The following CAP2 variants were observed in gnomAD, a reference collection of about 807,000 sequenced individuals.
CAP2 encodes the protein adenylyl cyclase-associated protein 2.
CAP2 carries 24 observed loss-of-function variants against 57.7 expected under a neutral mutation model. The ratio of observed to expected loss-of-function variants is 0.42; its 90% CI spans 0.30 to 0.58. The LOEUF is 0.58. Among genes scored for constraint, CAP2 ranks in the 20% least tolerant of loss-of-function variants. The probability of loss-of-function intolerance (pLI) is 0.22; values close to 1 mark genes in which losing one functional copy is unlikely to be tolerated. For missense variants in CAP2, 501 were observed against 590.3 expected (o/e 0.85, Z 1.57); for synonymous variants, 194 against 207.2 (o/e 0.94, Z 0.55).
intron 3 of CAP2, among the ~76,000 whole-genome samples, chr6:17,448,718 C>G (rs1017116307): frequency 4.6e-5 from 7 of 152,066 alleles, no homozygotes; most frequent in African/African-American, 1.7e-4. Flanking sequence ...TTAACTTAGA[C>G]CATGTCTTCT....
chr6:17,397,811 G>T (rs1220589445), intron 1 of CAP2, among the ~76,000 whole-genome samples: 3 of 150,316 alleles, frequency 2.0e-5, no homozygotes, highest in African/African-American at 4.9e-5. Context: ...CATTTGGGTT[G>T]GTTCCCATGT....
intron 3 of CAP2, among the ~76,000 whole-genome samples, chr6:17,429,332 A>T (rs1471401861): frequency 6.6e-6 from 1 of 152,174 alleles, no homozygotes; most frequent in Non-Finnish European, 1.5e-5. Flanking sequence ...CTATTCATTA[A>T]TGCCAACATT....
chr6:17,539,572 T>G, intron 8 of CAP2, 114 bp downstream of exon 8: 8 of 773,810 alleles, frequency 1.0e-5, no homozygotes, highest in Non-Finnish European at 1.6e-5. Flanking sequence ...GCCTCCAGCA[T>G]GCAGGGAGAG....
intron 1 of CAP2, among the ~76,000 whole-genome samples, chr6:17,403,642 A>G (rs1028446401): frequency 1.3e-5 from 2 of 152,358 alleles, no homozygotes; most frequent in Admixed American, 1.3e-4. Context: ...TTAAATTTAA[A>G]TAATGTTTTT....
At chr6:17,476,190 T>G (rs1191965486) in intron 4 of CAP2, among the ~76,000 whole-genome samples, 6 of 152,138 alleles carry the variant, frequency 3.9e-5, no homozygotes, top group Non-Finnish European at 8.8e-5. Flanking sequence ...AATGGGAAAA[T>G]GTGGCTCCAT....
At chr6:17,503,196 A>G (rs1257792143) in intron 4 of CAP2, among the ~76,000 whole-genome samples, 5 of 152,160 alleles carry the variant, frequency 3.3e-5, no homozygotes, top group African/African-American at 1.2e-4. Context: ...TAGATTAGAA[A>G]CAACAGAAAT....
At chr6:17,506,915 G>T (rs1581578999) in intron 4 of CAP2, among the ~76,000 whole-genome samples, 1 of 152,118 alleles carries the variant, frequency 6.6e-6, no homozygotes, top group African/African-American at 2.4e-5. Flanking sequence ...ATACTGCTGG[G>T]TTTTTTCCAC....
intron 8 of CAP2, 47 bp downstream of exon 8, chr6:17,539,505 C>A: frequency 3.4e-6 from 5 of 1,481,558 alleles, no homozygotes; most frequent in Non-Finnish European, 4.6e-6. Flanking sequence ...TTCCCTCTGG[C>A]TCCCAGACAC....
At chr6:17,472,053 GGCCGGGCGC>G (rs1168603056) in intron 4 of CAP2, among the ~76,000 whole-genome samples, 3 of 90,814 alleles carry the variant, frequency 3.3e-5, no homozygotes, top group South Asian at 3.3e-4. Flanking sequence ...GTGCTGAATG[GGCCGGGCGC>G]GGTGGCTCAC....
Position 17,406,937 on chromosome 6 carries a change from G to GA in CAP2, c.-2+13198dup, listed in dbSNP as rs148890163. On this transcript the variant is annotated intron_variant, in intron 1 of 12. Transcript: ENST00000229922. The stretch of plus-strand genomic sequence containing the variant: ...ATTCTGATTTAAGGTCGACCCTGAA[G>GA]AAAAAAATGAGAAAAAAACCAGCAT... Among the ~76,000 whole-genome samples, 1,073 of 152,002 alleles carry GA rather than the reference G, an allele frequency of 7.1e-3. 7 individuals are homozygous for GA. The highest frequency in any genetic ancestry group is 0.011 in the South Asian group (51 of 4,816).
Position 17,495,356 on chromosome 6 carries a change from C to T in CAP2, c.301-11813C>T, listed in dbSNP as rs79692744. Among the ~76,000 whole-genome samples, 488 of 152,154 alleles carry T rather than the reference C, an allele frequency of 3.2e-3. 2 individuals are homozygous for T. The highest frequency in any genetic ancestry group is 5.3e-3 in the Non-Finnish European group (360 of 68,002). The stretch of plus-strand genomic sequence containing the variant: ...CAGGTAACAAAATAACTCTCTTTAC[C>T]GATAATAGTGAGCACAATTATCTCA... On this transcript the variant is annotated intron_variant, in intron 4 of 12. Coordinates refer to ENST00000229922, the MANE Select transcript of CAP2 (RefSeq NM_006366.3).
intron 1 of CAP2, among the ~76,000 whole-genome samples, chr6:17,413,453 G>A (rs1759192748): frequency 6.6e-6 from 1 of 152,202 alleles, no homozygotes; most frequent in Admixed American, 6.5e-5. Flanking sequence ...TTCCTGGCTT[G>A]ACTGAGCAGG....
Position 17,556,669 on chromosome 6 carries a change from G to A in CAP2, c.*227G>A, listed in dbSNP as rs949229462. ...GTGTGTGATTTTAGTTCCACATGAT[G>A]ACTTGTGAACATTAGGGATTTAAAG... On this transcript the variant is annotated 3_prime_UTR_variant, in exon 13 of 13. Transcript: ENST00000229922. The A allele has an allele frequency of 5.9e-6, 3 of 507,642 alleles. No homozygotes were observed. The highest frequency in any genetic ancestry group is 1.1e-5 in the Non-Finnish European group (3 of 284,290). The allele number at this position is 507,642 out of a possible 1,614,324, so 31.4% of individuals were successfully genotyped here.
chr6:17,464,837 T>G (rs1022111620), intron 4 of CAP2, among the ~76,000 whole-genome samples: 1 of 152,158 alleles, frequency 6.6e-6, no homozygotes, highest in African/African-American at 2.4e-5. Context: ...AAGCGATGTG[T>G]TGTAGATTCA....
chr6:17,413,553 G>A (rs1759195542), intron 1 of CAP2, among the ~76,000 whole-genome samples: 1 of 152,184 alleles, frequency 6.6e-6, no homozygotes, highest in South Asian at 2.1e-4. Context: ...GTGCCTAGTA[G>A]ACAGTGGGAA....
intron 1 of CAP2, among the ~76,000 whole-genome samples, chr6:17,399,984 G>A: frequency 6.6e-6 from 1 of 152,250 alleles, no homozygotes; most frequent in East Asian, 1.9e-4. Flanking sequence ...CACTTTGGGA[G>A]GCCAAGGCGG....
At position 17,557,050 on chromosome 6, in the gene CAP2, C is replaced by G. The variant is rs1015372014; in HGVS notation, c.*608C>G. 1 of 152,316 alleles carries G rather than the reference C, an allele frequency of 6.6e-6. No homozygotes were observed. Among genetic ancestry groups the G allele is most frequent in the Admixed American group, 6.5e-5 (1 of 15,300 alleles). 9.4% of individuals were successfully genotyped at this position (152,316 alleles called of 1,614,324 possible). A position where few individuals can be genotyped will look rare whatever the true frequency, so the allele number is the denominator to read the frequency against. ...GGAAGACCTATATTCTCTGTAGTTA[C>G]TGAAAACCGAAAGTCAATTCTAATT... On this transcript the variant is annotated 3_prime_UTR_variant, in exon 13 of 13. Coordinates refer to ENST00000229922, the MANE Select transcript of CAP2 (RefSeq NM_006366.3).
intron 12 of CAP2, among the ~76,000 whole-genome samples, chr6:17,553,782 C>T (rs9358131): frequency 0.39 from 59,354 of 152,002 alleles, 12,490 homozygotes; most frequent in Non-Finnish European, 0.45. Context: ...GATGATTCGT[C>T]CTGAAAGAAA....
intron 4 of CAP2, among the ~76,000 whole-genome samples, chr6:17,479,328 A>G (rs1761229301): frequency 6.6e-6 from 1 of 152,122 alleles, no homozygotes. Flanking sequence ...CAGAACTCCT[A>G]AGTCCTTGTG....
Sources: allele counts gnomAD v4.1 joint callset (sites outside exome capture counted in the v4.1 genomes callset), GRCh38; gene constraint gnomAD v4.1.1; transcripts MANE v1.5; gene names NCBI Gene and HGNC (gene_info 2026-07-23, HGNC 2026-07-21).